The following CCSER2 variants were observed in gnomAD, a reference collection of about 807,000 sequenced individuals.
CCSER2 encodes serine-rich coiled-coil domain-containing protein 2.
In CCSER2, 46 loss-of-function variants were observed where a neutral mutation model predicts 92.3. The observed-to-expected ratio is 0.50, with a 90% CI of 0.39 to 0.64. CCSER2 has a LOEUF of 0.64. CCSER2 is among the 30% of genes least tolerant of loss of function. CCSER2 has a pLI of 0.00. For synonymous variants in CCSER2, 433 were observed against 431.4 expected, an observed-to-expected ratio of 1.00 and a Z score of -0.04; for missense variants, 1,244 against 1,238.9, an observed-to-expected ratio of 1.00 and a Z score of -0.06.
At chr10:84,498,283 G>A in intron 9 of CCSER2, among the ~76,000 whole-genome samples, 1 of 152,184 alleles carries the variant, frequency 6.6e-6, no homozygotes, top group East Asian at 1.9e-4. Flanking sequence ...CAGCATAACA[G>A]CAGGTAGTAT....
chr10:84,437,397 C>G (rs1313083944), intron 5 of CCSER2, among the ~76,000 whole-genome samples: 3 of 151,922 alleles, frequency 2.0e-5, no homozygotes, highest in Non-Finnish European at 4.4e-5. Context: ...GCCTGTAATC[C>G]CAGCTACTCG....
intron 1 of CCSER2, among the ~76,000 whole-genome samples, chr10:84,366,898 A>G (rs1845803658): frequency 6.6e-6 from 1 of 152,192 alleles, no homozygotes; most frequent in African/African-American, 2.4e-5. Context: ...AATCCTTGGT[A>G]GTAGTACAGG....
intron 3 of CCSER2, 69 bp downstream of exon 3, chr10:84,373,884 T>A: frequency 6.3e-7 from 1 of 1,586,894 alleles, no homozygotes; most frequent in Non-Finnish European, 8.6e-7. Context: ...GTGATATGAT[T>A]GATTTTGTAA....
At chr10:84,473,640 A>T (rs118024854) in intron 8 of CCSER2, among the ~76,000 whole-genome samples, 2,596 of 152,328 alleles carry the variant, frequency 0.017, 42 homozygotes, top group Non-Finnish European at 0.028. Flanking sequence ...AAACCATTTG[A>T]AAACAAAGAT....
chr10:84,345,729 G>C (rs1665784619), intron 1 of CCSER2, among the ~76,000 whole-genome samples: 1 of 152,102 alleles, frequency 6.6e-6, no homozygotes, highest in Non-Finnish European at 1.5e-5. Flanking sequence ...TGAACTGTGG[G>C]TTAAATATAA....
At chr10:84,465,239 T>TTGTGTGTGTG (rs59254139) in intron 7 of CCSER2, among the ~76,000 whole-genome samples, 1 of 106,872 alleles carries the variant, frequency 9.4e-6, no homozygotes, top group Non-Finnish European at 1.9e-5. Flanking sequence ...TTTCCTGAAT[T>TTGTGTGTGTG]TGTGTGTGTG....
intron 9 of CCSER2, among the ~76,000 whole-genome samples, chr10:84,494,305 C>T (rs950554607): frequency 6.6e-6 from 1 of 152,148 alleles, no homozygotes; most frequent in African/African-American, 2.4e-5. Context: ...TTATAATTAG[C>T]ATATAATGAG....
chr10:84,443,081 A>G lies in CCSER2; in HGVS notation c.2064+4374A>G, dbSNP rs527499855. On this transcript the variant is annotated intron_variant, in intron 6 of 9. Transcript: ENST00000372088. Reference sequence around the variant, plus strand: ...CTAGGAAATACCATTCAGGACATAGACATGGGCAAAGACATCACGACTAAA... The same window carrying G: ...CTAGGAAATACCATTCAGGACATAGGCATGGGCAAAGACATCACGACTAAA... Among the ~76,000 whole-genome samples, 187 of 152,308 alleles carry G rather than the reference A, an allele frequency of 1.2e-3. 1 individual carries two copies. Among genetic ancestry groups the G allele is most frequent in the Non-Finnish European group, 1.2e-3 (80 of 68,012 alleles).
intron 5 of CCSER2, among the ~76,000 whole-genome samples, chr10:84,430,816 C>T (rs187515216): frequency 1.1e-3 from 175 of 152,258 alleles, no homozygotes; most frequent in African/African-American, 4.1e-3. Context: ...TGGCTGATTT[C>T]TAGAGTTCTG....
chr10:84,467,000 T>C (rs1487715006), intron 7 of CCSER2, among the ~76,000 whole-genome samples: 1 of 152,228 alleles, frequency 6.6e-6, no homozygotes, highest in East Asian at 1.9e-4. Context: ...GTGCGCCTCC[T>C]CTACTTTCTT....
At chr10:84,351,670 C>G (rs1217645040) in intron 1 of CCSER2, among the ~76,000 whole-genome samples, 1 of 152,014 alleles carries the variant, frequency 6.6e-6, no homozygotes, top group Non-Finnish European at 1.5e-5. Context: ...ATGCCTGGCC[C>G]AGAAGTTTTA....
intron 4 of CCSER2, among the ~76,000 whole-genome samples, chr10:84,425,395 T>A (rs1174709049): frequency 1.3e-5 from 2 of 152,244 alleles, no homozygotes; most frequent in African/African-American, 4.8e-5. Flanking sequence ...GTGACAGTGA[T>A]GAAAACCACC....
At chr10:84,413,385 G>T (rs1397806499) in intron 3 of CCSER2, among the ~76,000 whole-genome samples, 1 of 152,074 alleles carries the variant, frequency 6.6e-6, no homozygotes, top group East Asian at 1.9e-4. Context: ...CTTGATTTCT[G>T]CCTTACTTTC....
At chr10:84,439,134 C>A (rs1352256928) in intron 6 of CCSER2, among the ~76,000 whole-genome samples, 1 of 150,702 alleles carries the variant, frequency 6.6e-6, no homozygotes, top group Non-Finnish European at 1.5e-5. Context: ...TAATGATAGT[C>A]ATATAATTCA....
intron 3 of CCSER2, among the ~76,000 whole-genome samples, chr10:84,384,248 C>T (rs1219106668): frequency 4.6e-5 from 7 of 152,002 alleles, no homozygotes; most frequent in South Asian, 2.1e-4. Flanking sequence ...ATGGAGGAGG[C>T]GGAGGAATTC....
intron 3 of CCSER2, among the ~76,000 whole-genome samples, chr10:84,400,138 T>A (rs1842043945): frequency 6.6e-6 from 1 of 152,188 alleles, no homozygotes; most frequent in Non-Finnish European, 1.5e-5. Flanking sequence ...ACCAGATTCT[T>A]ATCAAATGTG....
chr10:84,375,162 A>G (rs938046439), intron 3 of CCSER2, among the ~76,000 whole-genome samples: 1 of 152,176 alleles, frequency 6.6e-6, no homozygotes, highest in African/African-American at 2.4e-5. Flanking sequence ...AACCACCTTG[A>G]TTCAGTTCAT....
chr10:84,464,067 A>C (rs780079163), intron 7 of CCSER2, 51 bp downstream of exon 7: 6 of 849,246 alleles, frequency 7.1e-6, no homozygotes, highest in Non-Finnish European at 7.7e-6. Context: ...TTAAATACTA[A>C]AATAATGATA....
Position 84,496,531 on chromosome 10 carries a change from C to T in CCSER2, c.2326-16918C>T, listed in dbSNP as rs562636915. Among the ~76,000 whole-genome samples the T allele has an allele frequency of 2.6e-5, 4 of 151,852 alleles. No homozygotes were observed. The East Asian group carries it at 5.8e-4, about 22-fold the overall frequency. On this transcript the variant is annotated intron_variant, in intron 9 of 9. Transcript: ENST00000372088. ...GGATCTCCTGACCTCGTGATCTGCC[C>T]GCCTCGGCCTCCCAAAGTGCTGGGA...
Sources: allele counts gnomAD v4.1 joint callset (sites outside exome capture counted in the v4.1 genomes callset), GRCh38; gene constraint gnomAD v4.1.1; transcripts MANE v1.5; gene names NCBI Gene and HGNC (gene_info 2026-07-23, HGNC 2026-07-21).